The following LYST variants were observed in gnomAD, a reference collection of about 807,000 sequenced individuals.
The protein encoded by LYST is lysosomal-trafficking regulator.
LYST carries 192 observed loss-of-function variants against 413.6 expected under a neutral mutation model. That is an observed-to-expected ratio of 0.46 (90% CI 0.41 to 0.52). LYST has a LOEUF of 0.52. LYST is among the 20% of genes least tolerant of loss of function. The pLI, the probability that LYST is intolerant of heterozygous loss-of-function variation, is 0.00. For missense variants in LYST, 3,815 were observed against 4,499.9 expected (o/e 0.85, Z 4.35); for synonymous variants, 1,525 against 1,567.3 (o/e 0.97, Z 0.64).
At chr1:235,771,074 A>G (rs957703516) in intron 19 of LYST, among the ~76,000 whole-genome samples, 4 of 152,188 alleles carry the variant, frequency 2.6e-5, no homozygotes, top group Admixed American at 6.5e-5. Flanking sequence ...GGCAATAATG[A>G]ACCAAGATAT....
intron 1 of LYST, among the ~76,000 whole-genome samples, chr1:235,851,834 C>T (rs543154979): frequency 2.0e-5 from 3 of 152,038 alleles, no homozygotes; most frequent in East Asian, 3.9e-4. Context: ...AGATATGACA[C>T]TTAAAGTTCT....
chr1:235,720,736 T>C lies in LYST; in HGVS notation c.9485A>G (p.Gln3162Arg), dbSNP rs936247181. 1.2e-6 allele frequency: 2 copies of C among 1,614,030 alleles called. No individual in the cohort carries two copies. The highest frequency in any genetic ancestry group is 1.7e-6 in the Non-Finnish European group (2 of 1,179,884). ...AAGTATAAATGGGAACACAGGATAC[T>C]GCATGAGATCATTGAAGGATCGGCC... ...HAGRSFNDLM[Q>R]YPVFPFILAD... The change falls in exon 40 of 53, where the codon CAG becomes CGG. Residue 3162 changes from glutamine to arginine, a missense_variant. Coordinates refer to ENST00000389793, the MANE Select transcript of LYST (RefSeq NM_000081.4).
At chr1:235,856,056 T>C (rs1173091143) in intron 1 of LYST, among the ~76,000 whole-genome samples, 1 of 152,148 alleles carries the variant, frequency 6.6e-6, no homozygotes, top group African/African-American at 2.4e-5. Flanking sequence ...AAGAAATATA[T>C]ATAAATATTT....
chr1:235,746,232 A>T (rs956055060), intron 29 of LYST, 104 bp downstream of exon 29: 1 of 955,304 alleles, frequency 1.0e-6, no homozygotes, highest in African/African-American at 1.6e-5. Flanking sequence ...TAAGAACTGA[A>T]AAATAATGCT....
Position 235,759,510 on chromosome 1 carries a change from G to T in LYST, c.6343C>A (p.Leu2115Ile), listed in dbSNP as rs529662598. ...CCAGTCAGTTTTTGTGATTGCGTTAGTAGTGAAGAAGTAGGGAATGCTGGT... is the reference window on the plus strand; with the variant it reads ...CCAGTCAGTTTTTGTGATTGCGTTATTAGTGAAGAAGTAGGGAATGCTGGT... ...SLPAFPTSSL[L>I]TQSQKLTGSL... Residue 2115 changes from leucine to isoleucine, a missense_variant, in exon 23 of 53, where the codon CTA (leucine) becomes ATA (isoleucine). Leu to Ile is a conservative substitution (Grantham distance 5). Coordinates refer to ENST00000389793, the MANE Select transcript of LYST (RefSeq NM_000081.4). 6.2e-7 allele frequency: 1 copy of T among 1,613,978 alleles called. No homozygotes were observed. Among genetic ancestry groups the T allele is most frequent in the Admixed American group, 1.7e-5 (1 of 59,986 alleles).
intron 1 of LYST, among the ~76,000 whole-genome samples, chr1:235,833,912 C>T (rs1676261926): frequency 6.6e-6 from 1 of 152,144 alleles, no homozygotes; most frequent in African/African-American, 2.4e-5. Context: ...CAGTTCTTAA[C>T]TTAAAACCTC....
intron 10 of LYST, among the ~76,000 whole-genome samples, chr1:235,795,269 C>T (rs1044980593): frequency 2.6e-5 from 4 of 152,156 alleles, no homozygotes; most frequent in African/African-American, 9.7e-5. Context: ...AGGTCCCAAA[C>T]CTGATAACTC....
chr1:235,665,919 T>C (rs146688735), intron 50 of LYST, among the ~76,000 whole-genome samples: 1 of 152,268 alleles, frequency 6.6e-6, no homozygotes, highest in East Asian at 1.9e-4. Flanking sequence ...AATACTCTCA[T>C]ACTGATAAAG....
chr1:235,687,547 G>T (rs1394252285), intron 47 of LYST, among the ~76,000 whole-genome samples: 1 of 152,194 alleles, frequency 6.6e-6, no homozygotes, highest in East Asian at 1.9e-4. Flanking sequence ...GAATGTAAAA[G>T]ATGGGATTAT....
intron 8 of LYST, 49 bp downstream of exon 8, chr1:235,802,858 TA>T (rs749078855): frequency 2.2e-5 from 35 of 1,579,850 alleles, no homozygotes; most frequent in Non-Finnish European, 6.9e-6. Context: ...TTTTGCTATT[TA>T]ATGATCTGGC....
intron 28 of LYST, among the ~76,000 whole-genome samples, chr1:235,750,002 T>A (rs974569300): frequency 1.3e-5 from 2 of 151,932 alleles, no homozygotes; most frequent in Non-Finnish European, 2.9e-5. Flanking sequence ...ATGAGAAGTA[T>A]CAATACAAAA....
intron 14 of LYST, among the ~76,000 whole-genome samples, chr1:235,786,774 T>C (rs2103501259): frequency 6.6e-6 from 1 of 151,774 alleles, no homozygotes; most frequent in Non-Finnish European, 1.5e-5. Flanking sequence ...CTGGAAATCA[T>C]CACTCTCAGC....
chr1:235,725,350 C>A (rs1234018642), intron 38 of LYST, among the ~76,000 whole-genome samples: 4 of 152,094 alleles, frequency 2.6e-5, no homozygotes, highest in Non-Finnish European at 5.9e-5. Flanking sequence ...AGGAGAATCA[C>A]CTGAACCCAG....
intron 3 of LYST, among the ~76,000 whole-genome samples, chr1:235,815,729 G>C (rs536731428): frequency 6.6e-6 from 1 of 152,268 alleles, no homozygotes; most frequent in South Asian, 2.1e-4. Flanking sequence ...AGCTAACCAG[G>C]AAGGTGAAAG....
At chr1:235,817,311 T>C (rs937483345) in intron 3 of LYST, among the ~76,000 whole-genome samples, 6 of 151,992 alleles carry the variant, frequency 3.9e-5, no homozygotes, top group Non-Finnish European at 7.4e-5. Flanking sequence ...GGAAAGCAAA[T>C]TGGCAATTTC....
At chr1:235,807,640 A>C (rs925916957) in intron 5 of LYST, among the ~76,000 whole-genome samples, 1 of 152,210 alleles carries the variant, frequency 6.6e-6, no homozygotes, top group South Asian at 2.1e-4. Context: ...TTTTTGTATA[A>C]GTTTCTAAAA....
rs1164327235 is a variant in LYST, at chr1:235,665,571, C to T, written c.11039-950G>A. On this transcript the variant is annotated intron_variant, in intron 50 of 52. Transcript: ENST00000389793. ...AGGTTGCAGTGAGCCGAGATAGTGC[C>T]ACTGCACTCCAGCCTGGGCGACAGA... Among the ~76,000 whole-genome samples, 12 of 138,504 alleles carry T rather than the reference C, an allele frequency of 8.7e-5. No homozygotes were observed. In the Admixed American group the frequency reaches 9.2e-4, roughly 11 times the overall value. The allele number at this position is 138,504 out of a possible 152,430, so 90.9% of individuals were successfully genotyped here.
At chr1:235,678,826 C>T (rs944132265) in intron 48 of LYST, among the ~76,000 whole-genome samples, 3 of 152,096 alleles carry the variant, frequency 2.0e-5, no homozygotes, top group African/African-American at 7.2e-5. Context: ...CCATAAACAA[C>T]ATACTGTATA....
At chr1:235,693,927 G>A (rs1236103096) in intron 46 of LYST, among the ~76,000 whole-genome samples, 1 of 152,088 alleles carries the variant, frequency 6.6e-6, no homozygotes, top group Non-Finnish European at 1.5e-5. Context: ...GCCTGAGAAG[G>A]GATCATTTAA....
Sources: gnomAD v4.1 joint callset for allele counts (sites outside exome capture counted in the v4.1 genomes callset) on GRCh38, gnomAD v4.1.1 for gene constraint, MANE v1.5 for transcripts, NCBI Gene and HGNC (gene_info 2026-07-23, HGNC 2026-07-21) for gene names.